ATP6V1A: variants seen among roughly 807,000 people sequenced by gnomAD.
The protein encoded by ATP6V1A is ATPase H+ transporting V1 subunit A.
A neutral mutation model predicts 70.1 loss-of-function variants in ATP6V1A; 18 were observed. The ratio of observed to expected loss-of-function variants is 0.26; its 90% CI spans 0.18 to 0.38. The LOEUF (loss-of-function observed/expected upper bound fraction) is 0.38, where lower values mean the gene tolerates loss of function less well. Ranked by LOEUF, ATP6V1A falls within the 10% of genes least tolerant of loss-of-function variation. ATP6V1A has a pLI of 1.00. For missense variants in ATP6V1A, 424 were observed against 772.4 expected, an observed-to-expected ratio of 0.55 and a Z score of 5.35; for synonymous variants, 232 against 253.8, an observed-to-expected ratio of 0.91 and a Z score of 0.82.
At chr3:113,803,476 A>G in intron 12 of ATP6V1A, 107 bp from the exon 13 acceptor site, 1 of 812,790 alleles carries the variant, frequency 1.2e-6, no homozygotes, top group East Asian at 2.5e-5. Context: ...ATTTATTAAC[A>G]ATAGGTGATG....
At chr3:113,758,008 G>A (rs1440895313) in intron 1 of ATP6V1A, among the ~76,000 whole-genome samples, 1 of 152,158 alleles carries the variant, frequency 6.6e-6, no homozygotes, top group Non-Finnish European at 1.5e-5. Flanking sequence ...GCTGGGCGTG[G>A]TGGTGTGCAC....
chr3:113,774,501 G>C (rs911847294), intron 1 of ATP6V1A, among the ~76,000 whole-genome samples: 1 of 151,982 alleles, frequency 6.6e-6, no homozygotes, highest in East Asian at 1.9e-4. Context: ...TCTTCAAACC[G>C]TGGCATTTGT....
At chr3:113,749,191 T>C (rs1453908541) in intron 1 of ATP6V1A, among the ~76,000 whole-genome samples, 2 of 151,438 alleles carry the variant, frequency 1.3e-5, no homozygotes, top group Non-Finnish European at 2.9e-5. Context: ...AAATGTAGAT[T>C]AGTAGTGGGA....
chr3:113,789,908 T>C, intron 8 of ATP6V1A, 68 bp downstream of exon 8: 1 of 1,175,706 alleles, frequency 8.5e-7, no homozygotes, highest in Non-Finnish European at 1.3e-6. Flanking sequence ...ACCAAACTTT[T>C]CTAAAGAGCT....
chr3:113,791,528 A>G (rs1363028261), intron 8 of ATP6V1A, among the ~76,000 whole-genome samples: 1 of 151,006 alleles, frequency 6.6e-6, no homozygotes, highest in African/African-American at 2.4e-5. Context: ...GATATTTATT[A>G]TTACTATTAC....
chr3:113,771,260 C>G (rs892912628), intron 1 of ATP6V1A, among the ~76,000 whole-genome samples: 2 of 152,022 alleles, frequency 1.3e-5, no homozygotes, highest in Middle Eastern at 3.2e-3. Context: ...ATATTTTTAA[C>G]TATTCACAGA....
chr3:113,760,677 C>T (rs1214187560), intron 1 of ATP6V1A, among the ~76,000 whole-genome samples: 2 of 151,900 alleles, frequency 1.3e-5, no homozygotes, highest in South Asian at 2.1e-4. Context: ...TGCAGTGAGC[C>T]GAGATCGCAC....
chr3:113,785,585 T>G (rs1308623585), intron 5 of ATP6V1A, among the ~76,000 whole-genome samples: 2 of 146,694 alleles, frequency 1.4e-5, no homozygotes, highest in Non-Finnish European at 3.0e-5. Flanking sequence ...CATAGCTCAC[T>G]GTAGCCTCAA....
At chr3:113,758,037 A>G (rs976915683) in intron 1 of ATP6V1A, among the ~76,000 whole-genome samples, 1 of 152,082 alleles carries the variant, frequency 6.6e-6, no homozygotes, top group African/African-American at 2.4e-5. Context: ...CCAGCTACTC[A>G]GGAGGCTGAG....
At chr3:113,755,298 A>T (rs977967719) in intron 1 of ATP6V1A, among the ~76,000 whole-genome samples, 2 of 152,100 alleles carry the variant, frequency 1.3e-5, no homozygotes, top group Non-Finnish European at 2.9e-5. Context: ...TAACTAGCAC[A>T]TAAGGACCGT....
intron 1 of ATP6V1A, among the ~76,000 whole-genome samples, chr3:113,758,586 T>C (rs1708669773): frequency 6.6e-6 from 1 of 152,252 alleles, no homozygotes; most frequent in African/African-American, 2.4e-5. Flanking sequence ...CACCCATTGC[T>C]GGATATTTGT....
intron 1 of ATP6V1A, among the ~76,000 whole-genome samples, chr3:113,771,363 A>G (rs537267121): frequency 1.3e-5 from 2 of 152,056 alleles, no homozygotes; most frequent in African/African-American, 4.8e-5. Context: ...TCAGGTCACC[A>G]TAGTATGTCT....
At chr3:113,791,124 G>A (rs1381634198) in intron 8 of ATP6V1A, among the ~76,000 whole-genome samples, 1 of 152,044 alleles carries the variant, frequency 6.6e-6, no homozygotes, top group African/African-American at 2.4e-5. Flanking sequence ...AATTGCATCT[G>A]AAACTTTTTC....
chr3:113,784,546 ATAGTT>A, intron 4 of ATP6V1A, 108 bp downstream of exon 4: 5 of 1,385,804 alleles, frequency 3.6e-6, no homozygotes, highest in Non-Finnish European at 3.9e-6. Context: ...CTACAGAAGG[ATAGTT>A]TAAAGTTTTT....
In ATP6V1A at chr3:113,784,342, C is replaced by A. The variant is rs955687537; in HGVS notation, c.330C>A (p.Ser110Arg). The A allele has an allele frequency of 6.2e-7, 1 of 1,613,946 alleles. No individual in the cohort carries two copies. The highest frequency in any genetic ancestry group is 1.3e-5 in the African/African-American group (1 of 74,940). ...DGIQRPLSDI[S>R]SQTQSIYIPR... ...TTCAAAGACCTTTGTCGGATATCAGCAGTCAGACCCAAAGCATCTACATCC... is the reference window on the plus strand; with the variant it reads ...TTCAAAGACCTTTGTCGGATATCAGAAGTCAGACCCAAAGCATCTACATCC... Residue 110 changes from serine to arginine, a missense_variant, in exon 4 of 15, where the codon AGC (serine) becomes AGA (arginine). Physicochemically the swap from Ser to Arg is moderately radical, Grantham distance 110. Around this residue, in one of 9 missense-constraint regions of ATP6V1A, gnomAD observed 139 missense variants for 163.5 expected, o/e 0.85. Coordinates refer to ENST00000273398, the MANE Select transcript of ATP6V1A (RefSeq NM_001690.4).
At chr3:113,782,652 C>A (rs1708992734) in intron 3 of ATP6V1A, among the ~76,000 whole-genome samples, 1 of 149,194 alleles carries the variant, frequency 6.7e-6, no homozygotes, top group South Asian at 2.1e-4. Flanking sequence ...GAGACAGAGT[C>A]TCACTCTGTC....
intron 12 of ATP6V1A, 41 bp downstream of exon 12, chr3:113,798,487 C>T (rs1434786577): frequency 1.3e-6 from 2 of 1,598,280 alleles, no homozygotes; most frequent in South Asian, 1.1e-5. Flanking sequence ...CTGTGGGTTA[C>T]ACTGGGGTGT....
chr3:113,798,005 T>A (rs1478597942), intron 11 of ATP6V1A, among the ~76,000 whole-genome samples: 1 of 152,064 alleles, frequency 6.6e-6, no homozygotes, highest in Non-Finnish European at 1.5e-5. Flanking sequence ...TGATGGCGCA[T>A]GCTTGTAATC....
chr3:113,793,653 T>C (rs1249196890), intron 8 of ATP6V1A, among the ~76,000 whole-genome samples: 1 of 152,242 alleles, frequency 6.6e-6, no homozygotes, highest in East Asian at 1.9e-4. Flanking sequence ...TATTGTGTTG[T>C]TGAAGCCTTA....
Sources: allele counts gnomAD v4.1 joint callset (sites outside exome capture counted in the v4.1 genomes callset), GRCh38; gene constraint gnomAD v4.1.1; regional missense constraint gnomAD v4.1.1; transcripts MANE v1.5; gene names NCBI Gene and HGNC (gene_info 2026-07-23, HGNC 2026-07-21).